The following RARB variants were observed in gnomAD, a reference collection of about 807,000 sequenced individuals.
The protein encoded by RARB is HBV-activated protein.
RARB carries 17 observed loss-of-function variants against 51.9 expected under a neutral mutation model. The observed-to-expected ratio is 0.33, with a 90% confidence interval of 0.22 to 0.49. RARB has a LOEUF of 0.49. Among genes scored for constraint, RARB ranks in the 20% least tolerant of loss-of-function variants. The pLI, the probability that RARB is intolerant of heterozygous loss-of-function variation, is 0.99. For synonymous variants in RARB, 215 were observed against 195.4 expected, an observed-to-expected ratio of 1.10 and a Z score of -0.84; for missense variants, 369 against 550.8, an observed-to-expected ratio of 0.67 and a Z score of 3.30.
intron 2 of RARB, among the ~76,000 whole-genome samples, chr3:24,903,635 C>A (rs371444390): frequency 2.0e-4 from 31 of 152,240 alleles, no homozygotes; most frequent in African/African-American, 7.2e-4. Context: ...TTATCTCATA[C>A]TGCTCTGATC....
intron 5 of RARB, among the ~76,000 whole-genome samples, chr3:25,251,649 T>G (rs34403304): frequency 0.099 from 15,054 of 152,286 alleles, 993 homozygotes; most frequent in South Asian, 0.26. Context: ...ATTGGCTATT[T>G]GCATATCTTC....
intron 3 of RARB, among the ~76,000 whole-genome samples, chr3:25,108,319 T>C (rs919978133): frequency 4.6e-5 from 7 of 152,202 alleles, no homozygotes; most frequent in African/African-American, 1.7e-4. Flanking sequence ...TCAGTCATAA[T>C]AGAAGTTTAT....
chr3:25,113,524 A>G (rs1419774969), intron 3 of RARB, among the ~76,000 whole-genome samples: 1 of 152,160 alleles, frequency 6.6e-6, no homozygotes, highest in African/African-American at 2.4e-5. Flanking sequence ...ATTTCATAGA[A>G]AGAGAAAAAT....
chr3:25,583,033 A>G (rs1553636009), intron 5 of RARB, among the ~76,000 whole-genome samples: 2 of 151,600 alleles, frequency 1.3e-5, no homozygotes, highest in Non-Finnish European at 2.9e-5. Flanking sequence ...ACTTTCAACC[A>G]CTCCTTCCTG....
At chr3:25,100,031 C>G (rs1699370332) in intron 3 of RARB, among the ~76,000 whole-genome samples, 1 of 152,126 alleles carries the variant, frequency 6.6e-6, no homozygotes, top group South Asian at 2.1e-4. Flanking sequence ...TCTGCTTTGC[C>G]TTTTTACCAC....
intron 5 of RARB, among the ~76,000 whole-genome samples, chr3:25,343,799 T>A (rs1342248556): frequency 6.6e-6 from 1 of 152,168 alleles, no homozygotes; most frequent in Non-Finnish European, 1.5e-5. Flanking sequence ...TAATACATGT[T>A]CAGGTGTGGC....
chr3:25,519,765 A>G (rs375465089), intron 3 of RARB, among the ~76,000 whole-genome samples: 28 of 152,204 alleles, frequency 1.8e-4, no homozygotes, highest in African/African-American at 6.5e-4. Flanking sequence ...ATTAACTCAG[A>G]TTATTCTGAG....
At chr3:24,948,727 C>T (rs115828914) in intron 2 of RARB, among the ~76,000 whole-genome samples, 3,025 of 152,222 alleles carry the variant, frequency 0.02, 60 homozygotes, top group Middle Eastern at 0.065. Context: ...TGATTTAGCA[C>T]TATCTTCTTG....
At position 24,840,381 on chromosome 3, in the gene RARB, TTC is replaced by T. The variant is rs377387260; in HGVS notation, c.-459+10982_-459+10983del. Among the ~76,000 whole-genome samples, 63 of 152,300 alleles carry T rather than the reference TTC, an allele frequency of 4.1e-4. No individual in the cohort carries two copies. In the East Asian group the frequency reaches 7.3e-3, roughly 18 times the overall value. On this transcript the variant is annotated intron_variant, in intron 1 of 11. Transcript: ENST00000383772. ...TTTGAATCAGTTGATCCTCCATTGCTTCTCTGTCTATTGCCCCCTTAGCTGAG... is the reference window on the plus strand; with the variant it reads ...TTTGAATCAGTTGATCCTCCATTGCTTCTGTCTATTGCCCCCTTAGCTGAG...
intron 4 of RARB, among the ~76,000 whole-genome samples, chr3:25,571,646 C>G (rs1700716501): frequency 6.6e-6 from 1 of 152,214 alleles, no homozygotes. Context: ...CCCCATGTAT[C>G]CAGAACAGAG....
At chr3:25,252,015 T>C (rs538186613) in intron 5 of RARB, among the ~76,000 whole-genome samples, 1 of 152,190 alleles carries the variant, frequency 6.6e-6, no homozygotes, top group Admixed American at 6.5e-5. Flanking sequence ...TCTGAATAGG[T>C]TTTGAGTTAA....
chr3:25,231,318 G>C (rs1009665471), intron 5 of RARB, among the ~76,000 whole-genome samples: 1 of 152,122 alleles, frequency 6.6e-6, no homozygotes, highest in Non-Finnish European at 1.5e-5. Context: ...TTTAAAGTTA[G>C]CTTCTTTGAA....
chr3:25,439,992 T>A (rs1403241695), intron 1 of RARB, among the ~76,000 whole-genome samples: 1 of 152,164 alleles, frequency 6.6e-6, no homozygotes, highest in Admixed American at 6.5e-5. Flanking sequence ...TGTGGAAGCT[T>A]GAGCTCCAGG....
chr3:25,465,756 C>T (rs925045237), intron 2 of RARB, among the ~76,000 whole-genome samples: 1 of 151,770 alleles, frequency 6.6e-6, no homozygotes, highest in Non-Finnish European at 1.5e-5. Context: ...GTGTAGGGGA[C>T]AAAGAGTACA....
intron 5 of RARB, among the ~76,000 whole-genome samples, chr3:25,365,199 C>CTTTTTTTTTT (rs3035063): frequency 1.1e-4 from 8 of 75,454 alleles, no homozygotes; most frequent in South Asian, 6.3e-4. Context: ...TTCTTTCTTT[C>CTTTTTTTTTT]TTTTTTTTTT....
At position 25,537,583 on chromosome 3, in the gene RARB, GTATCA is replaced by G. The variant is rs760387639; in HGVS notation, c.449-32173_449-32169del. Among the ~76,000 whole-genome samples, 10 of 152,120 alleles carry G rather than the reference GTATCA, an allele frequency of 6.6e-5. No individual in the cohort carries two copies. The East Asian group carries it at 7.7e-4, about 12-fold the overall frequency. ...CCTTGATTCCTAACCCCACATTGCC[GTATCA>G]TGAAAATGCCTGTGGAATGAGGGGA... On this transcript the variant is annotated intron_variant, in intron 3 of 7. Transcript: ENST00000330688.
chr3:25,087,361 A>G (rs565878027), intron 3 of RARB, among the ~76,000 whole-genome samples: 1 of 152,206 alleles, frequency 6.6e-6, no homozygotes, highest in South Asian at 2.1e-4. Flanking sequence ...TGAAGGATAT[A>G]TATTTGATTT....
rs1283271712 is a variant in RARB, at chr3:24,910,980, T to C, written c.-380+52228T>C. Among the ~76,000 whole-genome samples, 3 of 152,292 alleles carry C rather than the reference T, an allele frequency of 2.0e-5. No individual in the cohort carries two copies. In the South Asian group the frequency reaches 6.2e-4, roughly 32 times the overall value. The stretch of plus-strand genomic sequence containing the variant: ...AACATAAGTTCTTTAACAGCTCAAG[T>C]TTTATGCCTGTAACTATTGCTTCCA... On this transcript the variant is annotated intron_variant, in intron 2 of 11. Transcript: ENST00000383772.
chr3:25,524,929 A>G (rs567960844), intron 3 of RARB, among the ~76,000 whole-genome samples: 5 of 151,732 alleles, frequency 3.3e-5, no homozygotes, highest in Non-Finnish European at 5.9e-5. Context: ...GGGTTTCATC[A>G]TGTTGGCCCG....
Sources: allele counts gnomAD v4.1 joint callset (sites outside exome capture counted in the v4.1 genomes callset), GRCh38; gene constraint gnomAD v4.1.1; transcripts MANE v1.5; gene names NCBI Gene and HGNC (gene_info 2026-07-23, HGNC 2026-07-21).